PLEKHH2: variants seen among roughly 807,000 people sequenced by gnomAD.
The protein encoded by PLEKHH2 is pleckstrin homology domain-containing family H member 2.
Under a neutral mutation model 187.9 loss-of-function variants are expected in PLEKHH2, and 129 were observed. That is an observed-to-expected ratio of 0.69 (90% CI 0.59 to 0.79). The LOEUF is 0.79. PLEKHH2 is among the 30% of genes least tolerant of loss of function. PLEKHH2 has a pLI of 0.00. For synonymous variants in PLEKHH2, 686 were observed against 605.6 expected (o/e 1.13, Z -1.95); for missense variants, 2,076 against 1,751.2 (o/e 1.19, Z -3.31).
At chr2:43,745,800 C>T (rs1671755338) in intron 23 of PLEKHH2, 66 bp from the exon 24 acceptor site, 5 of 1,228,254 alleles carry the variant, frequency 4.1e-6, no homozygotes, top group Non-Finnish European at 5.8e-6. Flanking sequence ...GTCTGCAGCA[C>T]ACTTGTCTTC....
At chr2:43,705,399 G>A (rs1192815110) in intron 9 of PLEKHH2, among the ~76,000 whole-genome samples, 2 of 151,164 alleles carry the variant, frequency 1.3e-5, no homozygotes, top group African/African-American at 2.4e-5. Context: ...AGGATGACAG[G>A]TGCATACCAC....
intron 6 of PLEKHH2, among the ~76,000 whole-genome samples, chr2:43,696,216 T>TA (rs1669082119): frequency 6.6e-6 from 1 of 152,164 alleles, no homozygotes; most frequent in African/African-American, 2.4e-5. Context: ...CTCACTCCTG[T>TA]AATCCCAGCA....
intron 24 of PLEKHH2, among the ~76,000 whole-genome samples, chr2:43,751,769 C>G (rs1194127143): frequency 6.6e-6 from 1 of 152,206 alleles, no homozygotes; most frequent in Non-Finnish European, 1.5e-5. Flanking sequence ...AGTGCCTTTC[C>G]TATTCAAGCT....
intron 2 of PLEKHH2, among the ~76,000 whole-genome samples, chr2:43,658,460 T>C (rs1666899490): frequency 6.6e-6 from 1 of 152,186 alleles, no homozygotes; most frequent in African/African-American, 2.4e-5. Context: ...TCTTGCACAG[T>C]TTTTATGGAT....
At chr2:43,659,163 C>CTTTTTTCTTTTTTT (rs1553330375) in intron 2 of PLEKHH2, among the ~76,000 whole-genome samples, 5 of 147,968 alleles carry the variant, frequency 3.4e-5, no homozygotes, top group African/African-American at 1.3e-4. Context: ...ATATTTTTTT[C>CTTTTTTCTTTTTTT]TTTTTTTTGG....
At chr2:43,694,240 A>C (rs1369686679) in intron 4 of PLEKHH2, among the ~76,000 whole-genome samples, 191 bp from the exon 5 acceptor site, 2 of 152,210 alleles carry the variant, frequency 1.3e-5, no homozygotes, top group Non-Finnish European at 2.9e-5. Context: ...TAATACATGC[A>C]TGTGGCTTTG....
intron 11 of PLEKHH2, among the ~76,000 whole-genome samples, chr2:43,708,043 C>A (rs1484629410): frequency 1.3e-5 from 2 of 152,156 alleles, no homozygotes; most frequent in African/African-American, 4.8e-5. Flanking sequence ...CAAATGACAT[C>A]TGTATGTTAT....
intron 3 of PLEKHH2, chr2:43,681,167 T>C (rs1032751905): frequency 1.4e-6 from 1 of 701,962 alleles, no homozygotes; most frequent in South Asian, 1.7e-5. Flanking sequence ...ACTCAGAACA[T>C]CCTTTTGGTC....
At chr2:43,685,448 G>A (rs1481517097) in intron 3 of PLEKHH2, among the ~76,000 whole-genome samples, 1 of 152,044 alleles carries the variant, frequency 6.6e-6, no homozygotes, top group East Asian at 1.9e-4. Flanking sequence ...TGTCTTTTGA[G>A]ACAGGGTCTT....
At chr2:43,712,021 C>G in intron 14 of PLEKHH2, 1 of 1,276,308 alleles carries the variant, frequency 7.8e-7, no homozygotes, top group Admixed American at 3.7e-5. Context: ...AAAGTTATTT[C>G]CACAAAAATT....
intron 11 of PLEKHH2, 77 bp downstream of exon 11, chr2:43,707,622 G>A (rs1020628405): frequency 2.0e-6 from 3 of 1,529,544 alleles, no homozygotes; most frequent in African/African-American, 2.8e-5. Context: ...CTCCATTACA[G>A]GATTATTTTT....
intron 11 of PLEKHH2, among the ~76,000 whole-genome samples, chr2:43,708,430 G>C (rs1330667086): frequency 2.0e-5 from 3 of 152,128 alleles, no homozygotes; most frequent in Non-Finnish European, 4.4e-5. Context: ...TCCTCCAGCT[G>C]GTATTCTTCC....
intron 3 of PLEKHH2, among the ~76,000 whole-genome samples, chr2:43,690,781 T>A (rs954443653): frequency 1.1e-4 from 17 of 152,224 alleles, no homozygotes; most frequent in African/African-American, 3.9e-4. Flanking sequence ...ACAATTAACA[T>A]CTCAAACATC....
intron 14 of PLEKHH2, 29 bp downstream of exon 14, chr2:43,710,604 T>TC: frequency 6.4e-7 from 1 of 1,554,030 alleles, no homozygotes. Flanking sequence ...TTTTTTTTTT[T>TC]TTTTGTATCA....
At chr2:43,651,979 A>G (rs899640661) in intron 2 of PLEKHH2, among the ~76,000 whole-genome samples, 5 of 152,184 alleles carry the variant, frequency 3.3e-5, no homozygotes, top group African/African-American at 1.2e-4. Context: ...GTCTATTTAT[A>G]TTTAAGAATA....
chr2:43,710,809 C>G, intron 14 of PLEKHH2: 6 of 1,282,354 alleles, frequency 4.7e-6, no homozygotes, highest in Non-Finnish European at 5.9e-6. Context: ...TTCCTTTATA[C>G]TCTTCTTTCC....
At chr2:43,676,148 CT>C (rs1296129419) in intron 2 of PLEKHH2, 23 of 1,613,884 alleles carry the variant, frequency 1.4e-5, no homozygotes, top group Non-Finnish European at 1.9e-5. Flanking sequence ...AAGAGTATCA[CT>C]TTTGAAGTGT....
At chr2:43,720,826 C>G in intron 16 of PLEKHH2, 77 bp downstream of exon 16, 1 of 1,508,608 alleles carries the variant, frequency 6.6e-7, no homozygotes, top group Non-Finnish European at 8.8e-7. Flanking sequence ...TTTCTCTCTT[C>G]TCTTACTTTG....
chr2:43,711,905 A>AG, intron 14 of PLEKHH2: 1 of 1,001,356 alleles, frequency 1.0e-6, no homozygotes, highest in Non-Finnish European at 1.2e-6. Context: ...AAAAAAAAAA[A>AG]AAAAGAAAAG....
Sources: allele counts gnomAD v4.1 joint callset (sites outside exome capture counted in the v4.1 genomes callset), GRCh38; gene constraint gnomAD v4.1.1; transcripts MANE v1.5; gene names NCBI Gene and HGNC (gene_info 2026-07-23, HGNC 2026-07-21).